The following ADAMTS12 variants were observed in gnomAD, a reference collection of about 807,000 sequenced individuals.
ADAMTS12 encodes the protein ADAM metallopeptidase with thrombospondin type 1 motif 12.
Under a neutral mutation model 167.8 loss-of-function variants are expected in ADAMTS12, and 118 were observed. The ratio of observed to expected loss-of-function variants is 0.70; its 90% CI spans 0.61 to 0.82. The LOEUF is 0.82. ADAMTS12 is among the 40% of genes least tolerant of loss of function. The pLI is 0.00. For missense variants in ADAMTS12, 1,916 were observed against 1,998.8 expected (o/e 0.96, Z 0.79); for synonymous variants, 704 against 716.9 (o/e 0.98, Z 0.29).
chr5:33,776,605 C>A (rs1745917836), intron 2 of ADAMTS12, among the ~76,000 whole-genome samples: 1 of 151,982 alleles, frequency 6.6e-6, no homozygotes, highest in Admixed American at 6.5e-5. Flanking sequence ...GCAATAAACG[C>A]CTCCATTAAG....
chr5:33,527,404 G>GATTA, intron 23 of ADAMTS12, 38 bp from the exon 24 acceptor site: 1 of 1,597,974 alleles, frequency 6.3e-7, no homozygotes, highest in East Asian at 2.2e-5. Context: ...AAAGTCCAAA[G>GATTA]ATTATCCTTT....
At chr5:33,733,573 C>T (rs945316496) in intron 3 of ADAMTS12, among the ~76,000 whole-genome samples, 1 of 152,150 alleles carries the variant, frequency 6.6e-6, no homozygotes, top group African/African-American at 2.4e-5. Flanking sequence ...GAGCTGGAAA[C>T]CAGCTTTGAA....
intron 3 of ADAMTS12, among the ~76,000 whole-genome samples, chr5:33,733,530 T>C (rs1744268485): frequency 6.6e-6 from 1 of 152,192 alleles, no homozygotes. Context: ...GAATACGTGG[T>C]CTTCAAATAC....
rs375343926 is a variant in ADAMTS12, at chr5:33,549,429, C to G, written c.4126-46G>C. ...AAGGCGATCTCTGAGTCATTGGCAT[C>G]AGGCCTCCCTTCCTTCCCCTCAGCC... On this transcript the variant is annotated intron_variant, in intron 20 of 23. Coordinates refer to ENST00000504830, the MANE Select transcript of ADAMTS12 (RefSeq NM_030955.4). The G allele has an allele frequency of 5.1e-6, 8 of 1,583,618 alleles. No homozygotes were observed. In the East Asian group the frequency reaches 1.4e-4, roughly 27 times the overall value.
chr5:33,603,447 C>T (rs540582915), intron 16 of ADAMTS12: 5 of 152,256 alleles, frequency 3.3e-5, no homozygotes, highest in Admixed American at 1.3e-4. Context: ...TTAAGCCTTC[C>T]GTAATGCATG....
At chr5:33,652,294 C>A (rs1740892430) in intron 7 of ADAMTS12, among the ~76,000 whole-genome samples, 1 of 151,912 alleles carries the variant, frequency 6.6e-6, no homozygotes, top group African/African-American at 2.4e-5. Flanking sequence ...AATAGCTGTC[C>A]TTTTTTGATT....
At chr5:33,652,513 T>C (rs1740900369) in intron 7 of ADAMTS12, among the ~76,000 whole-genome samples, 1 of 152,158 alleles carries the variant, frequency 6.6e-6, no homozygotes, top group African/African-American at 2.4e-5. Flanking sequence ...GAATTCCTAA[T>C]AGATTCTCGA....
rs753076305 is a variant in ADAMTS12, at chr5:33,881,421, T to G, written c.187A>C (p.Ser63Arg). ...HVVGPVRVDA[S>R]GHFLSYGLHY... ...AAGCCATATGACAAAAAATGCCCACTGGCATCTACTCGGACTGGACCCACC... is the reference window on the plus strand; with the variant it reads ...AAGCCATATGACAAAAAATGCCCACGGGCATCTACTCGGACTGGACCCACC... Residue 63 changes from serine (S) to arginine (R), a missense_variant, in exon 2 of 24, where the codon AGT (serine) becomes CGT (arginine). By Grantham distance (110) the Ser-to-Arg change is moderately radical (BLOSUM62 -1). Transcript: ENST00000504830. The G allele has an allele frequency of 4.3e-6, 7 of 1,613,942 alleles. No homozygotes were observed. The South Asian group carries it at 6.6e-5, about 15-fold the overall frequency.
At chr5:33,891,690 C>T in intron 1 of ADAMTS12, 40 bp downstream of exon 1, 1 of 1,612,664 alleles carries the variant, frequency 6.2e-7, no homozygotes, top group Non-Finnish European at 8.5e-7. Context: ...GCAAGTCTTA[C>T]CACCACTGTT....
At chr5:33,704,040 C>T (rs1344493713) in intron 3 of ADAMTS12, among the ~76,000 whole-genome samples, 3 of 152,034 alleles carry the variant, frequency 2.0e-5, no homozygotes, top group Non-Finnish European at 2.9e-5. Context: ...TTTTTGCATT[C>T]TTCAGCCCTT....
intron 5 of ADAMTS12, among the ~76,000 whole-genome samples, chr5:33,682,281 G>T (rs1742152121): frequency 6.6e-6 from 1 of 152,208 alleles, no homozygotes; most frequent in Non-Finnish European, 1.5e-5. Context: ...GGGAATGGAG[G>T]TGGCAGAACT....
intron 2 of ADAMTS12, among the ~76,000 whole-genome samples, chr5:33,868,576 T>C (rs902512695): frequency 6.6e-6 from 1 of 152,142 alleles, no homozygotes; most frequent in African/African-American, 2.4e-5. Context: ...ATTTAGAGTA[T>C]CTGGTGGAAT....
intron 2 of ADAMTS12, among the ~76,000 whole-genome samples, chr5:33,865,816 C>A (rs1749796952): frequency 7.2e-5 from 11 of 152,154 alleles, no homozygotes; most frequent in Admixed American, 7.2e-4. Context: ...TATACACCAA[C>A]AACGACCAAG....
chr5:33,576,202 ATGT>A lies in ADAMTS12; in HGVS notation c.3821_3823del (p.Asn1274del), dbSNP rs1746703612. The A allele has an allele frequency of 1.9e-6, 3 of 1,614,132 alleles. No homozygotes were observed. The highest frequency in any genetic ancestry group is 2.5e-6 in the Non-Finnish European group (3 of 1,180,030). On this transcript the variant is annotated inframe_deletion, in exon 19 of 24. Coordinates refer to ENST00000504830, the MANE Select transcript of ADAMTS12 (RefSeq NM_030955.4). ...TGGTTCAGAACTTTTTGTTTGGTTCATGTTGTTTGGAAGTTTCAGGTGGTTACG... is the reference window on the plus strand; with the variant it reads ...TGGTTCAGAACTTTTTGTTTGGTTCATGTTTGGAAGTTTCAGGTGGTTACG...
intron 3 of ADAMTS12, among the ~76,000 whole-genome samples, chr5:33,749,764 T>C (rs1235137443): frequency 1.3e-5 from 2 of 152,208 alleles, no homozygotes; most frequent in Non-Finnish European, 2.9e-5. Flanking sequence ...GGGGCCATGA[T>C]AGTTGTAAAC....
chr5:33,817,610 C>G (rs1372431726), intron 2 of ADAMTS12, among the ~76,000 whole-genome samples: 1 of 152,106 alleles, frequency 6.6e-6, no homozygotes, highest in Non-Finnish European at 1.5e-5. Context: ...ACCCACTTCC[C>G]CCAAACCACA....
chr5:33,543,141 A>G (rs1744792039), intron 22 of ADAMTS12, among the ~76,000 whole-genome samples: 1 of 152,212 alleles, frequency 6.6e-6, no homozygotes, highest in African/African-American at 2.4e-5. Flanking sequence ...AAGAAAAGAG[A>G]GAAGAATCAA....
At chr5:33,658,839 C>G (rs947475681) in intron 6 of ADAMTS12, among the ~76,000 whole-genome samples, 3 of 152,124 alleles carry the variant, frequency 2.0e-5, no homozygotes, top group Non-Finnish European at 4.4e-5. Flanking sequence ...CTATCCAGCC[C>G]CATTCCACTA....
chr5:33,768,524 C>T (rs1304247798), intron 2 of ADAMTS12, among the ~76,000 whole-genome samples: 1 of 152,006 alleles, frequency 6.6e-6, no homozygotes, highest in East Asian at 1.9e-4. Flanking sequence ...TTGCATTTTG[C>T]ACGTTTTTAA....
Sources: allele counts gnomAD v4.1 joint callset (sites outside exome capture counted in the v4.1 genomes callset), GRCh38; gene constraint gnomAD v4.1.1; transcripts MANE v1.5; gene names NCBI Gene and HGNC (gene_info 2026-07-23, HGNC 2026-07-21).